The following SMS variants were observed in gnomAD, a reference collection of about 807,000 sequenced individuals.
The protein encoded by SMS is spermidine aminopropyltransferase.
A neutral mutation model predicts 33.0 loss-of-function variants in SMS; 3 were observed. The ratio of observed to expected loss-of-function variants is 0.09; its 90% confidence interval spans 0.04 to 0.23. The LOEUF (loss-of-function observed/expected upper bound fraction) is 0.23, where lower values mean the gene tolerates loss of function less well. Ranked by LOEUF, SMS falls within the 10% of genes least tolerant of loss-of-function variation. The pLI, the probability that SMS is intolerant of heterozygous loss-of-function variation, is 1.00. For synonymous variants in SMS, 103 were observed against 112.2 expected (o/e 0.92, Z 0.52); for missense variants, 117 against 288.6 (o/e 0.41, Z 4.31).
rs150223891 is a variant in SMS, at chrX:21,979,337, A to G, written c.750+371A>G. The stretch of plus-strand genomic sequence containing the variant: ...CCTGCATGCGTTAGGTATTTCTCCT[A>G]ATGCTATCCTTCCCCTAGCCCCCTA... On this transcript the variant is annotated intron_variant, in intron 7 of 10. Transcript: ENST00000404933. Among the ~76,000 whole-genome samples, 321 of 110,064 alleles carry G rather than the reference A, an allele frequency of 2.9e-3. 1 individual carries two copies. Among genetic ancestry groups the G allele is most frequent in the South Asian group, 6.8e-3 (17 of 2,502 alleles).
chrX:21,968,968 C>T (rs765726472), intron 2 of SMS, among the ~76,000 whole-genome samples: 1 of 111,454 alleles, frequency 9.0e-6, no homozygotes, highest in East Asian at 2.8e-4. Flanking sequence ...GGGGTATTTT[C>T]GATGGCTTTT....
At chrX:21,986,387 G>GTAGAGGTT (rs1925338997) in intron 9 of SMS, among the ~76,000 whole-genome samples, 1 of 104,771 alleles carries the variant, frequency 9.5e-6, no homozygotes, top group South Asian at 4.4e-4. Flanking sequence ...TCAGGAACAG[G>GTAGAGGTT]TAGAGGTTTT....
In SMS at chrX:21,972,524, G is replaced by T; in HGVS notation, c.282G>T (p.Glu94Asp). The T allele has an allele frequency of 3.4e-6, 4 of 1,189,298 alleles. No homozygotes were observed. Among genetic ancestry groups the T allele is most frequent in the Non-Finnish European group, 4.6e-6 (4 of 875,088 alleles). The change falls in exon 4 of 11, where the codon GAG becomes GAT. Residue 94 changes from glutamate to aspartate, a missense_variant. By Grantham distance (45) the Glu-to-Asp change is conservative. This residue lies in a region of SMS where 25 missense variants were observed against 24.4 expected (regional missense o/e 1.03). Coordinates refer to ENST00000404933, the MANE Select transcript of SMS (RefSeq NM_004595.5). ...EEIDSILNKV[E>D]ERMKELSQDS... ...AATTGTAGATTTTGAACAAAGTAGA[G>T]GAAAGAATGAAAGAATTGAGTCAGG...
chrX:21,992,416 G>C (rs747393632), intron 9 of SMS, among the ~76,000 whole-genome samples, 181 bp from the exon 10 acceptor site: 1 of 112,509 alleles, frequency 8.9e-6, no homozygotes, highest in South Asian at 3.6e-4. Flanking sequence ...AGGATAACGA[G>C]CTCTAATGGG....
At chrX:21,960,053 G>A (rs1483778234) in intron 1 of SMS, 7 of 324,486 alleles carry the variant, frequency 2.2e-5, no homozygotes, top group Non-Finnish European at 2.8e-5. Flanking sequence ...GTGTGTGTAG[G>A]GGCACTGAGA....
At chrX:21,958,990 C>T (rs1329439691) in intron 1 of SMS, among the ~76,000 whole-genome samples, 1 of 113,009 alleles carries the variant, frequency 8.8e-6, no homozygotes, top group Non-Finnish European at 1.9e-5. Flanking sequence ...CAGTTTGCTT[C>T]TCCATCTATA....
intron 1 of SMS, among the ~76,000 whole-genome samples, chrX:21,961,290 C>G (rs1356183792): frequency 9.1e-6 from 1 of 109,774 alleles, no homozygotes; most frequent in African/African-American, 3.3e-5. Context: ...AGTGAAAAGT[C>G]CTGGCCAGTG....
intron 8 of SMS, 53 bp downstream of exon 8, chrX:21,984,471 T>C (rs1225671464): frequency 3.9e-6 from 3 of 775,359 alleles, no homozygotes; most frequent in African/African-American, 2.0e-5. Context: ...CTTGGCACCA[T>C]GTGAGGGTGA....
chrX:21,948,007 T>A (rs932251783), intron 1 of SMS, among the ~76,000 whole-genome samples: 1 of 111,775 alleles, frequency 8.9e-6, no homozygotes, highest in Non-Finnish European at 1.9e-5. Context: ...ATTTTTTTTT[T>A]AAATGCTCTT....
rs909240053 is a variant in SMS, at chrX:21,992,721, T to C, written c.1061+9T>C. The C allele has an allele frequency of 9.7e-7, 1 of 1,034,740 alleles. No homozygotes were observed. The highest frequency in any genetic ancestry group is 1.4e-6 in the Non-Finnish European group (1 of 737,388). 85.3% of individuals were successfully genotyped at this position (1,034,740 alleles called of 1,213,427 possible). A position where few individuals can be genotyped will look rare whatever the true frequency, so the allele number is the denominator to read the frequency against. On this transcript the variant is annotated intron_variant, in intron 10 of 10. Coordinates refer to ENST00000404933, the MANE Select transcript of SMS (RefSeq NM_004595.5). ...CCTTCATACTTGGAATTGTATCCTT[T>C]GACCGTGACATTCTGTTGCCAGATC...
chrX:21,954,578 C>A (rs747463663), intron 1 of SMS, among the ~76,000 whole-genome samples: 2 of 111,837 alleles, frequency 1.8e-5, no homozygotes, highest in Admixed American at 1.9e-4. Flanking sequence ...GTGGCACTTA[C>A]TTGTCCAGCA....
At chrX:21,980,430 ATATATAT>A (rs1006752838) in intron 7 of SMS, among the ~76,000 whole-genome samples, 2 of 30,918 alleles carry the variant, frequency 6.5e-5, no homozygotes, top group Admixed American at 7.8e-4. Context: ...AAAAAAAAAA[ATATATAT>A]ATATATATAT....
intron 8 of SMS, 106 bp from the exon 9 acceptor site, chrX:21,985,037 TC>T (rs1925230673): frequency 1.9e-6 from 1 of 523,685 alleles, no homozygotes; most frequent in Non-Finnish European, 3.4e-6. Context: ...CACTCGTGGC[TC>T]TTTTTCTTTT....
chrX:21,967,115 C>G, intron 1 of SMS, 81 bp from the exon 2 acceptor site: 1 of 761,083 alleles, frequency 1.3e-6, no homozygotes, highest in East Asian at 3.5e-5. Context: ...TTTTTAAGCT[C>G]AGTCCTCAAA....
chrX:21,993,840 G>C (rs1263133705), intron 10 of SMS, among the ~76,000 whole-genome samples: 3 of 110,479 alleles, frequency 2.7e-5, no homozygotes, highest in African/African-American at 9.9e-5. Context: ...CCACCTGCTA[G>C]TTCTTCTCTC....
At position 21,994,691 on chromosome X, in the gene SMS, G is replaced by T; in HGVS notation, c.*340G>T. Reference sequence around the variant, plus strand: ...TGGTAGATCTTCAATTTGGATATTTGGAGGAGTGAACATCGTTGTTTTGCT... The same window carrying T: ...TGGTAGATCTTCAATTTGGATATTTTGAGGAGTGAACATCGTTGTTTTGCT... On this transcript the variant is annotated 3_prime_UTR_variant, in exon 11 of 11. Coordinates refer to ENST00000404933, the MANE Select transcript of SMS (RefSeq NM_004595.5). The T allele has an allele frequency of 1.2e-6, 1 of 809,917 alleles. No homozygotes were observed. The highest frequency in any genetic ancestry group is 1.5e-6 in the Non-Finnish European group (1 of 676,104). 66.7% of individuals were successfully genotyped at this position (809,917 alleles called of 1,213,427 possible).
rs138834406 is a variant in SMS, at chrX:21,978,794, T to C, written c.661-83T>C. The stretch of plus-strand genomic sequence containing the variant: ...TACCCAAGTTAGTATTATAAAACCT[T>C]TGTTTGTCTTAATCCTTTCTTTAAA... On this transcript the variant is annotated intron_variant, in intron 6 of 10. Transcript: ENST00000404933. 6.3e-3 allele frequency: 4,305 copies of C among 685,784 alleles called. 14 individuals are homozygous for C. The highest frequency in any genetic ancestry group is 0.012 in the South Asian group (541 of 45,942). 56.5% of individuals were successfully genotyped at this position (685,784 alleles called of 1,213,427 possible).
chrX:21,984,280 A>G (rs1925174724), intron 7 of SMS, 24 bp from the exon 8 acceptor site: 1 of 938,298 alleles, frequency 1.1e-6, no homozygotes, highest in Non-Finnish European at 1.5e-6. Context: ...TGGCTCACTC[A>G]TCTATTCCTG....
chrX:21,993,022 A>G (rs1406427607), intron 10 of SMS, among the ~76,000 whole-genome samples: 1 of 111,806 alleles, frequency 8.9e-6, no homozygotes, highest in Non-Finnish European at 1.9e-5. Context: ...AGCATCGCTC[A>G]AGAACTAGTT....
Sources: gnomAD v4.1 joint callset for allele counts (sites outside exome capture counted in the v4.1 genomes callset) on GRCh38, gnomAD v4.1.1 for gene constraint, gnomAD v4.1.1 regional missense constraint, MANE v1.5 for transcripts, NCBI Gene and HGNC (gene_info 2026-07-23, HGNC 2026-07-21) for gene names.